Variants in CDH12 observed in about 807,000 individuals in gnomAD.
CDH12 encodes the protein cadherin 12, also known as cadherin-12.
Under a neutral mutation model 74.1 loss-of-function variants are expected in CDH12, and 41 were observed. That is an observed-to-expected ratio of 0.55 (90% CI 0.43 to 0.72). The LOEUF is 0.72. Among genes scored for constraint, CDH12 ranks in the 30% least tolerant of loss-of-function variants. The probability of loss-of-function intolerance (pLI) is 0.00; values close to 1 mark genes in which losing one functional copy is unlikely to be tolerated. For missense variants in CDH12, 945 were observed against 977.2 expected, an observed-to-expected ratio of 0.97 and a Z score of 0.44; for synonymous variants, 399 against 355.0, an observed-to-expected ratio of 1.12 and a Z score of -1.39.
At chr5:22,002,206 G>C (rs1160806096) in intron 5 of CDH12, among the ~76,000 whole-genome samples, 3 of 151,972 alleles carry the variant, frequency 2.0e-5, no homozygotes, top group Non-Finnish European at 4.4e-5. Context: ...ATTTAATTTT[G>C]TATTTTTAAA....
chr5:21,827,321 G>A (rs1748732205), intron 8 of CDH12, among the ~76,000 whole-genome samples: 1 of 148,516 alleles, frequency 6.7e-6, no homozygotes, highest in Admixed American at 6.7e-5. Context: ...ACTAAGTATT[G>A]AGTGGATTGG....
chr5:21,930,980 G>A (rs1754810627), intron 6 of CDH12, among the ~76,000 whole-genome samples: 4 of 152,114 alleles, frequency 2.6e-5, no homozygotes, highest in Admixed American at 2.6e-4. Context: ...AAGATCATGG[G>A]GAGCTGGGGA....
intron 5 of CDH12, among the ~76,000 whole-genome samples, chr5:22,011,212 C>A (rs938256461): frequency 6.6e-6 from 1 of 152,036 alleles, no homozygotes; most frequent in African/African-American, 2.4e-5. Context: ...ACTGGAAATT[C>A]TTCCTGTAAT....
In CDH12 at chr5:22,250,606, A is replaced by G. The variant is rs1753103503; in HGVS notation, c.-332-37963T>C. ...ATCTCTCAGTGTATAAATGCCAACA[A>G]TATGTTGTAAATAAAAGCATGTAGG... On this transcript the variant is annotated intron_variant, in intron 3 of 14. Coordinates refer to ENST00000382254, the MANE Select transcript of CDH12 (RefSeq NM_004061.5). Among the ~76,000 whole-genome samples the G allele has an allele frequency of 2.0e-5, 3 of 152,192 alleles. No homozygotes were observed. In the South Asian group the frequency reaches 6.2e-4, roughly 31 times the overall value.
intron 1 of CDH12, among the ~76,000 whole-genome samples, chr5:22,717,537 T>G (rs756856919): frequency 6.6e-6 from 1 of 152,152 alleles, no homozygotes; most frequent in African/African-American, 2.4e-5. Context: ...TATAGGCAAG[T>G]GGAGTATATT....
chr5:22,711,917 C>A (rs1200065833), intron 1 of CDH12, among the ~76,000 whole-genome samples: 1 of 152,028 alleles, frequency 6.6e-6, no homozygotes, highest in African/African-American at 2.4e-5. Flanking sequence ...AAGTAACTCA[C>A]AACTGTTGAA....
intron 2 of CDH12, among the ~76,000 whole-genome samples, chr5:22,464,179 T>C (rs1400833934): frequency 6.6e-6 from 1 of 152,178 alleles, no homozygotes; most frequent in Non-Finnish European, 1.5e-5. Flanking sequence ...CTGCTGTCCA[T>C]GTAAGAGGTG....
chr5:22,440,835 C>T (rs935840865), intron 2 of CDH12, among the ~76,000 whole-genome samples: 1 of 152,132 alleles, frequency 6.6e-6, no homozygotes, highest in African/African-American at 2.4e-5. Flanking sequence ...TCTTTAATCA[C>T]ATCTGCAAAG....
At chr5:22,158,976 C>T (rs7713525) in intron 4 of CDH12, among the ~76,000 whole-genome samples, 10,742 of 152,102 alleles carry the variant, frequency 0.071, 478 homozygotes, top group South Asian at 0.15. Context: ...AATAAAACTT[C>T]GTTACTTAAA....
rs113046180 is a variant in CDH12 at position 22,056,522 on chromosome 5, C to G, written c.231+21924G>C. 1.3e-3 allele frequency among the ~76,000 whole-genome samples: 197 copies of G among 152,252 alleles called. 2 individuals carry two copies. The highest frequency in any genetic ancestry group is 4.5e-3 in the African/African-American group (185 of 41,562). ...GATTCTTGGTCAACTAAGAAATAAT[C>G]GTGGAAATGAGAATCTATGTCTTCG... On this transcript the variant is annotated intron_variant, in intron 5 of 14. Transcript: ENST00000382254.
At chr5:22,070,107 C>A (rs2150215586) in intron 5 of CDH12, among the ~76,000 whole-genome samples, 1 of 152,034 alleles carries the variant, frequency 6.6e-6, no homozygotes, top group East Asian at 1.9e-4. Context: ...TATCTTTTTT[C>A]TTCCCTCTCC....
intron 1 of CDH12, among the ~76,000 whole-genome samples, chr5:22,516,944 A>T (rs1736835938): frequency 6.6e-6 from 1 of 152,154 alleles, no homozygotes; most frequent in Non-Finnish European, 1.5e-5. Flanking sequence ...AGATGAAAGA[A>T]GTTTAGATGC....
intron 4 of CDH12, among the ~76,000 whole-genome samples, chr5:22,127,309 C>G (rs1745927195): frequency 6.6e-6 from 1 of 151,778 alleles, no homozygotes; most frequent in Non-Finnish European, 1.5e-5. Flanking sequence ...GAAACCTGGT[C>G]TCTACAAAAA....
intron 5 of CDH12, among the ~76,000 whole-genome samples, chr5:21,995,975 G>A (rs924382705): frequency 1.3e-5 from 2 of 151,832 alleles, no homozygotes; most frequent in African/African-American, 2.4e-5. Context: ...CTGAGTAGTC[G>A]GCATAACATT....
At chr5:22,306,312 A>C (rs1738110539) in intron 3 of CDH12, among the ~76,000 whole-genome samples, 1 of 152,098 alleles carries the variant, frequency 6.6e-6, no homozygotes, top group South Asian at 2.1e-4. Context: ...CACAGAGAAT[A>C]TGCTTTGCCT....
intron 1 of CDH12, among the ~76,000 whole-genome samples, chr5:22,844,454 G>A (rs985351348): frequency 6.6e-6 from 1 of 152,016 alleles, no homozygotes; most frequent in Non-Finnish European, 1.5e-5. Flanking sequence ...AAAACTCAAA[G>A]ATCTGTTAAT....
chr5:22,675,691 A>T (rs1741131648), intron 1 of CDH12, among the ~76,000 whole-genome samples: 1 of 151,922 alleles, frequency 6.6e-6, no homozygotes, highest in African/African-American at 2.4e-5. Flanking sequence ...ACCATGTGAG[A>T]CATGCCTTTC....
chr5:22,319,799 G>T (rs1738789739), intron 3 of CDH12, among the ~76,000 whole-genome samples: 1 of 151,986 alleles, frequency 6.6e-6, no homozygotes, highest in Middle Eastern at 3.4e-3. Flanking sequence ...GTGAGTGATG[G>T]AAGTGGGAAG....
At chr5:21,820,688 G>A (rs377751656) in intron 8 of CDH12, among the ~76,000 whole-genome samples, 5 of 151,860 alleles carry the variant, frequency 3.3e-5, no homozygotes, top group East Asian at 3.9e-4. Flanking sequence ...AGGTTCTGTC[G>A]GTTTATTTCC....
Sources: allele counts gnomAD v4.1 joint callset (sites outside exome capture counted in the v4.1 genomes callset), GRCh38; gene constraint gnomAD v4.1.1; transcripts MANE v1.5; gene names NCBI Gene and HGNC (gene_info 2026-07-23, HGNC 2026-07-21).